The following SOD2 variants were observed in gnomAD, a reference collection of about 807,000 sequenced individuals.
SOD2 encodes the protein superoxide dismutase [Mn], mitochondrial.
SOD2 carries 11 observed loss-of-function variants against 27.0 expected under a neutral mutation model. The ratio of observed to expected loss-of-function variants is 0.41; its 90% CI spans 0.26 to 0.67. The LOEUF is 0.67. SOD2 is among the 30% of genes least tolerant of loss of function. The pLI is 0.34. For missense variants in SOD2, 250 were observed against 274.5 expected (o/e 0.91, Z 0.63); for synonymous variants, 105 against 103.0 (o/e 1.02, Z -0.12).
At chr6:159,735,063 G>A (rs1403511264) in intron 1 of SOD2, among the ~76,000 whole-genome samples, 2 of 152,168 alleles carry the variant, frequency 1.3e-5, no homozygotes, top group Non-Finnish European at 2.9e-5. Context: ...AGCTAATTTT[G>A]AGATACAAAA....
intron 1 of SOD2, among the ~76,000 whole-genome samples, chr6:159,711,601 A>G (rs1361444434): frequency 3.3e-5 from 3 of 91,804 alleles, no homozygotes; most frequent in African/African-American, 4.9e-5. Flanking sequence ...CACCATAACC[A>G]CCTCCATAAC....
intron 1 of SOD2, among the ~76,000 whole-genome samples, chr6:159,737,137 T>C (rs1778970621): frequency 6.6e-6 from 1 of 152,044 alleles, no homozygotes; most frequent in Admixed American, 6.5e-5. Context: ...AGTCTCCGCC[T>C]CCTGGGCTCA....
At chr6:159,682,884 C>T (rs1303374826) in intron 4 of SOD2, among the ~76,000 whole-genome samples, 4 of 152,042 alleles carry the variant, frequency 2.6e-5, no homozygotes, top group African/African-American at 9.7e-5. Flanking sequence ...GGAAAATTAA[C>T]AACAGTACTT....
In SOD2 at chr6:159,755,765, C is replaced by CTTTTTTTTTTTTTTTTTTTTTTTTTT; in HGVS notation, c.-336+5271_-336+5272insAAAAAAAAAAAAAAAAAAAAAAAAAA. On this transcript the variant is annotated intron_variant, in intron 1 of 7. Coordinates refer to the SOD2 transcript ENST00000546087. ...TTTTTCTTTGTTTTTTTTTTCTTTT[C>CTTTTTTTTTTTTTTTTTTTTTTTTTT]TTTTTTTTTTTTTTTTTTTTTTTTT... 1.2e-4 allele frequency: 20 copies of CTTTTTTTTTTTTTTTTTTTTTTTTTT among 160,622 alleles called. 4 individuals carry two copies. Among genetic ancestry groups the CTTTTTTTTTTTTTTTTTTTTTTTTTT allele is most frequent in the African/African-American group, 4.5e-4 (5 of 11,080 alleles). 9.9% of individuals were successfully genotyped at this position (160,622 alleles called of 1,614,324 possible).
At chr6:159,743,516 A>G in intron 1 of SOD2, 1 of 674,456 alleles carries the variant, frequency 1.5e-6, no homozygotes. Flanking sequence ...AGCTCTCGTG[A>G]CCAGGAAGAA....
In SOD2 at chr6:159,739,621, TTC is replaced by T. The variant is rs1360971768; in HGVS notation, c.-116+5507_-116+5508del. Among the ~76,000 whole-genome samples, 7 of 152,308 alleles carry T rather than the reference TTC, an allele frequency of 4.6e-5. No individual in the cohort carries two copies. The East Asian group carries it at 1.3e-3, about 29-fold the overall frequency. The stretch of plus-strand genomic sequence containing the variant: ...TTCTGTGTTTTGTAATTTAAATATA[TTC>T]TTTCTGTATTTTATTGCTATGGTTA... On this transcript the variant is annotated intron_variant, in intron 1 of 3. Transcript: ENST00000537657.
At chr6:159,755,397 G>A in intron 1 of SOD2, 1 of 1,614,228 alleles carries the variant, frequency 6.2e-7, no homozygotes, top group Non-Finnish European at 8.5e-7. Flanking sequence ...AGAGGAGGTA[G>A]TGGTTACGTA....
In SOD2 at chr6:159,675,380, G is replaced by C. The variant is rs1779756079; in HGVS notation, c.*7113C>G. 2 of 152,232 alleles carry C rather than the reference G, an allele frequency of 1.3e-5. No homozygotes were observed. The highest frequency in any genetic ancestry group is 1.3e-4 in the Admixed American group (2 of 15,280). 9.4% of individuals were successfully genotyped at this position (152,232 alleles called of 1,614,324 possible). The stretch of plus-strand genomic sequence containing the variant: ...AGGCTGCAGTAACCAAAACAGCATG[G>C]TACTAGTACCAAAACAGAGATATAG... On this transcript the variant is annotated 3_prime_UTR_variant, in exon 5 of 5. Transcript: ENST00000538183.
chr6:159,734,103 G>T (rs776357565), intron 1 of SOD2, among the ~76,000 whole-genome samples: 11 of 152,302 alleles, frequency 7.2e-5, no homozygotes, highest in Non-Finnish European at 1.5e-4. Context: ...AAAACATGCT[G>T]TTGGAAGATT....
At chr6:159,757,031 T>C (rs547515806) in intron 1 of SOD2, among the ~76,000 whole-genome samples, 7 of 152,306 alleles carry the variant, frequency 4.6e-5, no homozygotes, top group African/African-American at 1.4e-4. Context: ...TAACAACATA[T>C]CTGGTAATAT....
rs142524892 is a variant in SOD2 at position 159,755,488 on chromosome 6, A to G, written c.-336+5549T>C. The G allele has an allele frequency of 2.0e-5, 33 of 1,614,202 alleles. No individual in the cohort carries two copies. In the African/African-American group the frequency reaches 4.0e-4, roughly 20 times the overall value. On this transcript the variant is annotated intron_variant, in intron 1 of 7. Coordinates refer to the SOD2 transcript ENST00000546087. ...CTCTCACACACCAATCAAATGACAC[A>G]GACTCCAGTCATGACCCTCAAGAGG...
chr6:159,762,094 G>A (rs778202550), exon 1 of SOD2: 5 of 1,613,184 alleles, frequency 3.1e-6, no homozygotes, highest in Non-Finnish European at 4.2e-6. Flanking sequence ...CAAGATGAAT[G>A]CAGGCTCAGA....
At chr6:159,713,641 G>T in intron 1 of SOD2, 1 of 1,029,030 alleles carries the variant, frequency 9.7e-7, no homozygotes, top group Non-Finnish European at 1.5e-6. Context: ...CAGCCAAATG[G>T]AAGTCCTCTA....
intron 1 of SOD2, chr6:159,712,757 C>A (rs1194088908): frequency 1.0e-5 from 5 of 480,894 alleles, no homozygotes; most frequent in African/African-American, 8.0e-5. Flanking sequence ...ACCATAACCA[C>A]CTCCACAACC....
chr6:159,751,809 C>G (rs761188071), intron 1 of SOD2, among the ~76,000 whole-genome samples: 2 of 152,250 alleles, frequency 1.3e-5, no homozygotes, highest in Non-Finnish European at 2.9e-5. Context: ...TGCCTGTAAT[C>G]CCAACACTTT....
intron 1 of SOD2, chr6:159,742,275 CA>C: frequency 1.4e-6 from 1 of 705,212 alleles, no homozygotes; most frequent in Non-Finnish European, 2.3e-6. Context: ...TGTACATAGG[CA>C]CTGTGTTGGG....
At chr6:159,727,108 C>A in intron 1 of SOD2, 1 of 1,194,034 alleles carries the variant, frequency 8.4e-7, no homozygotes, top group Non-Finnish European at 1.1e-6. Context: ...GCCCGCCCCT[C>A]CCCTCGGCCG....
intron 1 of SOD2, among the ~76,000 whole-genome samples, chr6:159,708,329 G>A (rs993200714): frequency 6.6e-6 from 1 of 152,194 alleles, no homozygotes; most frequent in Non-Finnish European, 1.5e-5. Context: ...AAGTCAAATT[G>A]TCCCTGTTTG....
chr6:159,692,557 A>T, intron 2 of SOD2, 104 bp downstream of exon 2: 1 of 1,552,410 alleles, frequency 6.4e-7, no homozygotes, highest in East Asian at 2.3e-5. Flanking sequence ...CGGTACAAAT[A>T]CGAAGCGAGT....
Sources: allele counts gnomAD v4.1 joint callset (sites outside exome capture counted in the v4.1 genomes callset), GRCh38; gene constraint gnomAD v4.1.1; transcripts MANE v1.5; gene names NCBI Gene and HGNC (gene_info 2026-07-23, HGNC 2026-07-21).